CDH12: variants seen among roughly 807,000 people sequenced by gnomAD.
CDH12 encodes the protein cadherin 12, also known as cadherin-12.
CDH12 carries 41 observed loss-of-function variants against 74.1 expected under a neutral mutation model. The observed-to-expected ratio is 0.55, with a 90% confidence interval of 0.43 to 0.72. The LOEUF is 0.72. Ranked by LOEUF, CDH12 falls within the 30% of genes least tolerant of loss-of-function variation. The pLI is 0.00. For synonymous variants in CDH12, 399 were observed against 355.0 expected (o/e 1.12, Z -1.39); for missense variants, 945 against 977.2 (o/e 0.97, Z 0.44).
chr5:22,826,012 T>C (rs1661975), intron 1 of CDH12, among the ~76,000 whole-genome samples: 11,738 of 152,246 alleles, frequency 0.077, 554 homozygotes, highest in South Asian at 0.18. Context: ...CAAAGTAATC[T>C]CATTTCCATT....
chr5:21,923,626 G>C (rs984542496), intron 6 of CDH12, among the ~76,000 whole-genome samples: 5 of 152,102 alleles, frequency 3.3e-5, no homozygotes, highest in Non-Finnish European at 5.9e-5. Context: ...TTCCCGCAGT[G>C]ATTCCAGAGA....
intron 1 of CDH12, among the ~76,000 whole-genome samples, chr5:22,846,951 C>T (rs982751404): frequency 1.7e-3 from 33 of 19,674 alleles, no homozygotes; most frequent in Middle Eastern, 0.019. Flanking sequence ...TTTTTAATAC[C>T]GTTGTTAAAA....
At chr5:22,822,614 C>CA (rs1749766263) in intron 1 of CDH12, among the ~76,000 whole-genome samples, 3 of 151,942 alleles carry the variant, frequency 2.0e-5, no homozygotes, top group East Asian at 3.9e-4. Flanking sequence ...TTTATGCAGC[C>CA]AAAAAACACA....
intron 3 of CDH12, among the ~76,000 whole-genome samples, chr5:22,396,813 T>C (rs1742480803): frequency 6.6e-6 from 1 of 152,122 alleles, no homozygotes; most frequent in South Asian, 2.1e-4. Context: ...CAAGATTTTC[T>C]GTTAGTCATT....
At chr5:22,701,416 T>C (rs959015543) in intron 1 of CDH12, among the ~76,000 whole-genome samples, 8 of 151,818 alleles carry the variant, frequency 5.3e-5, no homozygotes, top group Non-Finnish European at 1.0e-4. Flanking sequence ...AGCAATAAGA[T>C]TAAAAAAAAA....
chr5:22,018,650 A>G (rs1168191022), intron 5 of CDH12, among the ~76,000 whole-genome samples: 1 of 152,242 alleles, frequency 6.6e-6, no homozygotes, highest in Non-Finnish European at 1.5e-5. Flanking sequence ...AAAAGTCAAC[A>G]AAACATTGTT....
chr5:22,636,193 G>A (rs1738832164), intron 1 of CDH12, among the ~76,000 whole-genome samples: 1 of 151,998 alleles, frequency 6.6e-6, no homozygotes, highest in African/African-American at 2.4e-5. Context: ...AATAAACAGT[G>A]GTGGAGTTAT....
chr5:21,852,610 CCA>C (rs1313623683), intron 7 of CDH12, among the ~76,000 whole-genome samples: 1 of 151,176 alleles, frequency 6.6e-6, no homozygotes, highest in African/African-American at 2.4e-5. Context: ...ATGGTTTTAT[CCA>C]CAGTTATTTT....
At chr5:22,662,671 T>C (rs1740411662) in intron 1 of CDH12, among the ~76,000 whole-genome samples, 1 of 152,238 alleles carries the variant, frequency 6.6e-6, no homozygotes, top group Admixed American at 6.5e-5. Context: ...CAATTAGTAG[T>C]AAGCCTTAAA....
At chr5:21,900,823 G>A (rs191899689) in intron 6 of CDH12, among the ~76,000 whole-genome samples, 45 of 152,286 alleles carry the variant, frequency 3.0e-4, no homozygotes, top group South Asian at 8.3e-4. Context: ...TCAGAATGAC[G>A]ATGGGCTACA....
At position 22,425,964 on chromosome 5, in the gene CDH12, G is replaced by A. The variant is rs117452369; in HGVS notation, c.-427-20613C>T. On this transcript the variant is annotated intron_variant, in intron 2 of 14. Coordinates refer to ENST00000382254, the MANE Select transcript of CDH12 (RefSeq NM_004061.5). The stretch of plus-strand genomic sequence containing the variant: ...TATTGTTTGGGAGGCTGAGGTGAGC[G>A]GATCACAAGGTCAAGGAATCGAGAC... Among the ~76,000 whole-genome samples, 244 of 151,746 alleles carry A rather than the reference G, an allele frequency of 1.6e-3. 1 individual carries two copies. The East Asian group carries it at 0.017, about 10-fold the overall frequency.
At chr5:22,560,563 T>G (rs1739000398) in intron 1 of CDH12, among the ~76,000 whole-genome samples, 3 of 152,200 alleles carry the variant, frequency 2.0e-5, no homozygotes, top group Middle Eastern at 3.4e-3. Context: ...GGTATTGCAA[T>G]TTTTCAATTA....
At chr5:22,032,130 A>C (rs1738861356) in intron 5 of CDH12, among the ~76,000 whole-genome samples, 1 of 151,708 alleles carries the variant, frequency 6.6e-6, no homozygotes, top group Non-Finnish European at 1.5e-5. Context: ...TCAACTACAT[A>C]TCATTTATGA....
chr5:22,674,215 A>T (rs1741046771), intron 1 of CDH12, among the ~76,000 whole-genome samples: 1 of 152,152 alleles, frequency 6.6e-6, no homozygotes, highest in Non-Finnish European at 1.5e-5. Context: ...TTGAATTCTG[A>T]TGTTGTGGGA....
intron 4 of CDH12, among the ~76,000 whole-genome samples, chr5:22,100,629 T>C (rs1357065230): frequency 6.8e-6 from 1 of 147,144 alleles, no homozygotes; most frequent in East Asian, 2.0e-4. Context: ...ATGGCTCCTT[T>C]ATCTACTATA....
In CDH12 at chr5:22,345,967, G is replaced by T. The variant is rs1740092249; in HGVS notation, c.-333+59290C>A. On this transcript the variant is annotated intron_variant, in intron 3 of 14. Coordinates refer to ENST00000382254, the MANE Select transcript of CDH12 (RefSeq NM_004061.5). ...AAAAATACAAAAAAATTAGCTGGCT[G>T]TGGTGGCACACATCTGTAATTCCAG... is the stretch of plus-strand genomic sequence containing the variant. Among the ~76,000 whole-genome samples, 3 of 152,150 alleles carry T rather than the reference G, an allele frequency of 2.0e-5. No individual in the cohort carries two copies. In the South Asian group the frequency reaches 6.2e-4, roughly 32 times the overall value.
chr5:22,315,687 G>T (rs775002116), intron 3 of CDH12, among the ~76,000 whole-genome samples: 1 of 152,106 alleles, frequency 6.6e-6, no homozygotes, highest in South Asian at 2.1e-4. Context: ...GTATTTTTTA[G>T]AGTTTTAGGG....
intron 3 of CDH12, among the ~76,000 whole-genome samples, chr5:22,366,611 AC>A (rs1384368509): frequency 1.3e-5 from 2 of 152,094 alleles, no homozygotes; most frequent in African/African-American, 4.8e-5. Flanking sequence ...ATCAGTTCTG[AC>A]TTTTGTTCAT....
chr5:21,755,534 G>T (rs773545436), intron 14 of CDH12, 57 bp downstream of exon 14: 188 of 1,507,156 alleles, frequency 1.2e-4, no homozygotes, highest in Non-Finnish European at 1.3e-4. Flanking sequence ...GAGAGAGAGG[G>T]GAAAAAAAGG....
Sources: allele counts gnomAD v4.1 joint callset (sites outside exome capture counted in the v4.1 genomes callset), GRCh38; gene constraint gnomAD v4.1.1; transcripts MANE v1.5; gene names NCBI Gene and HGNC (gene_info 2026-07-23, HGNC 2026-07-21).